Variants in TRPC4AP observed in about 807,000 individuals in gnomAD.
TRPC4AP encodes short transient receptor potential channel 4-associated protein.
A neutral mutation model predicts 99.0 loss-of-function variants in TRPC4AP; 45 were observed. The observed-to-expected ratio is 0.45, with a 90% CI of 0.36 to 0.58. TRPC4AP has a LOEUF of 0.58. TRPC4AP is among the 20% of genes least tolerant of loss of function. The pLI is 0.00. For synonymous variants in TRPC4AP, 408 were observed against 385.8 expected (o/e 1.06, Z -0.67); for missense variants, 879 against 985.3 (o/e 0.89, Z 1.44).
At chr20:35,003,706 G>A (rs2147257756) in intron 17 of TRPC4AP, 90 bp from the exon 18 acceptor site, 2 of 1,414,286 alleles carry the variant, frequency 1.4e-6, no homozygotes, top group African/African-American at 1.4e-5. Context: ...AGGGAGGAGA[G>A]TGGCCCCAGG....
At chr20:35,037,032 A>C (rs1327874822) in intron 7 of TRPC4AP, among the ~76,000 whole-genome samples, 1 of 150,330 alleles carries the variant, frequency 6.7e-6, no homozygotes, top group African/African-American at 2.4e-5. Flanking sequence ...CTTAGTTATA[A>C]AATAAAACTA....
At chr20:35,043,314 T>C (rs956567257) in intron 7 of TRPC4AP, among the ~76,000 whole-genome samples, 7 of 152,000 alleles carry the variant, frequency 4.6e-5, no homozygotes, top group Middle Eastern at 3.4e-3. Context: ...TGGTGCAATC[T>C]GGGCTCACAG....
At chr20:35,050,770 G>A (rs1280388830) in intron 5 of TRPC4AP, among the ~76,000 whole-genome samples, 1 of 151,872 alleles carries the variant, frequency 6.6e-6, no homozygotes, top group East Asian at 1.9e-4. Flanking sequence ...CCCCCAAGGG[G>A]TATGAAGGAA....
At chr20:35,010,355 G>A in intron 11 of TRPC4AP, 67 bp from the exon 12 acceptor site, 1 of 1,330,252 alleles carries the variant, frequency 7.5e-7, no homozygotes, top group South Asian at 1.2e-5. Context: ...CACCAGGCTA[G>A]TGTAGGGAGT....
At chr20:35,065,933 G>A (rs1450444037) in intron 3 of TRPC4AP, among the ~76,000 whole-genome samples, 1 of 152,014 alleles carries the variant, frequency 6.6e-6, no homozygotes, top group Non-Finnish European at 1.5e-5. Context: ...AAATGCCCTA[G>A]GACCACCGAC....
intron 1 of TRPC4AP, among the ~76,000 whole-genome samples, chr20:35,083,174 AATCT>A (rs1303299423): frequency 2.6e-5 from 4 of 152,208 alleles, no homozygotes; most frequent in East Asian, 1.9e-4. Flanking sequence ...ATAATATAAA[AATCT>A]ATCTTATTTT....
chr20:35,008,166 C>T (rs2082554697), intron 13 of TRPC4AP, among the ~76,000 whole-genome samples: 1 of 152,176 alleles, frequency 6.6e-6, no homozygotes, highest in Admixed American at 6.5e-5. Context: ...GGCATGAAGC[C>T]TCCTGACAGC....
chr20:35,090,580 G>A (rs1381577428), intron 1 of TRPC4AP, among the ~76,000 whole-genome samples: 2 of 151,926 alleles, frequency 1.3e-5, no homozygotes, highest in African/African-American at 4.8e-5. Flanking sequence ...CGCCATGTTG[G>A]CCAGGCTGGT....
chr20:35,010,150 G>T (rs775308861), intron 12 of TRPC4AP, 37 bp downstream of exon 12: 2 of 1,594,238 alleles, frequency 1.3e-6, no homozygotes, highest in Non-Finnish European at 1.7e-6. Context: ...TGGGCAGCCG[G>T]GATGGGCTGA....
chr20:35,060,046 AG>A lies in TRPC4AP; in HGVS notation c.415-2476del, dbSNP rs1254505010. ...AACAATAACAAAAAACTACCCATAA[AG>A]AAAAACCTTGGACATGATGGCTCCA... On this transcript the variant is annotated intron_variant, in intron 3 of 18. Transcript: ENST00000252015. Among the ~76,000 whole-genome samples the A allele has an allele frequency of 7.9e-5, 12 of 152,316 alleles. No individual in the cohort carries two copies. In the South Asian group the frequency reaches 2.3e-3, roughly 29 times the overall value.
intron 2 of TRPC4AP, among the ~76,000 whole-genome samples, chr20:35,071,348 T>C (rs1459567339): frequency 6.6e-6 from 1 of 152,108 alleles, no homozygotes; most frequent in Non-Finnish European, 1.5e-5. Flanking sequence ...TTGTTACATA[T>C]GTATACATGT....
At chr20:35,063,732 G>A (rs2084067598) in intron 3 of TRPC4AP, among the ~76,000 whole-genome samples, 2 of 152,080 alleles carry the variant, frequency 1.3e-5, no homozygotes, top group South Asian at 4.1e-4. Flanking sequence ...GTGATGGCAT[G>A]AACCTGTAGT....
chr20:35,008,551 T>C (rs1326800745), intron 13 of TRPC4AP, 113 bp downstream of exon 13: 5 of 871,838 alleles, frequency 5.7e-6, no homozygotes, highest in Middle Eastern at 3.6e-4. Flanking sequence ...CCAACAGTAA[T>C]TGTGCTTCAG....
In TRPC4AP at chr20:35,092,605, G is replaced by C; in HGVS notation, c.168+9C>G. On this transcript the variant is annotated intron_variant, in intron 1 of 18. Coordinates refer to ENST00000252015, the MANE Select transcript of TRPC4AP (RefSeq NM_015638.3). ...GCCCCGCCCCGCCCCTCCTGGTCCA[G>C]CCTCGTACCTGCACCGCCCGGACCA... 4 of 1,222,534 alleles carry C rather than the reference G, an allele frequency of 3.3e-6. No homozygotes were observed. The highest frequency in any genetic ancestry group is 4.3e-6 in the Non-Finnish European group (4 of 936,468). The allele number at this position is 1,222,534 out of a possible 1,614,324, so 75.7% of individuals were successfully genotyped here.
rs1054691803 is a variant in TRPC4AP at position 35,042,923 on chromosome 20, A to C, written c.865+1582T>G. On this transcript the variant is annotated intron_variant, in intron 7 of 18. Coordinates refer to ENST00000252015, the MANE Select transcript of TRPC4AP (RefSeq NM_015638.3). ...ACTCCCACTGCTACTACCTTCCCTT[A>C]CCAGCTACTTCCTATTAATAACCAC... Among the ~76,000 whole-genome samples, 8 of 152,302 alleles carry C rather than the reference A, an allele frequency of 5.3e-5. No homozygotes were observed. The South Asian group carries it at 1.4e-3, about 28-fold the overall frequency.
At chr20:35,014,536 AAAGT>A in intron 10 of TRPC4AP, among the ~76,000 whole-genome samples, 1 of 152,288 alleles carries the variant, frequency 6.6e-6, no homozygotes, top group East Asian at 1.9e-4. Context: ...AGACCTTAAG[AAAGT>A]ATTTTAAAAA....
intron 1 of TRPC4AP, among the ~76,000 whole-genome samples, chr20:35,091,893 A>C (rs927074616): frequency 1.3e-5 from 2 of 152,156 alleles, no homozygotes; most frequent in Non-Finnish European, 2.9e-5. Flanking sequence ...GAGGAAACTG[A>C]GGCACAGAAA....
intron 1 of TRPC4AP, among the ~76,000 whole-genome samples, chr20:35,084,566 ATGTG>A: frequency 2.2e-5 from 3 of 138,606 alleles, no homozygotes; most frequent in African/African-American, 7.8e-5. Context: ...ATATGCATAT[ATGTG>A]TATATGTATA....
chr20:35,082,329 G>C (rs973951355), intron 1 of TRPC4AP, among the ~76,000 whole-genome samples: 10 of 151,896 alleles, frequency 6.6e-5, no homozygotes, highest in East Asian at 3.9e-4. Context: ...AATACAAATA[G>C]AACATTTGCA....
Sources: gnomAD v4.1 joint callset for allele counts (sites outside exome capture counted in the v4.1 genomes callset) on GRCh38, gnomAD v4.1.1 for gene constraint, MANE v1.5 for transcripts, NCBI Gene and HGNC (gene_info 2026-07-23, HGNC 2026-07-21) for gene names.